The following PCDH15 variants were observed in gnomAD, a reference collection of about 807,000 sequenced individuals.
PCDH15 encodes the protein protocadherin-15.
A neutral mutation model predicts 178.5 loss-of-function variants in PCDH15; 129 were observed. The observed-to-expected ratio is 0.72, with a 90% CI of 0.63 to 0.84. The LOEUF (loss-of-function observed/expected upper bound fraction) is 0.84, where lower values mean the gene tolerates loss of function less well. PCDH15 is among the 40% of genes least tolerant of loss of function. The probability of loss-of-function intolerance (pLI) is 0.00; values close to 1 mark genes in which losing one functional copy is unlikely to be tolerated. For synonymous variants in PCDH15, 800 were observed against 732.0 expected (o/e 1.09, Z -1.50); for missense variants, 2,230 against 2,099.9 (o/e 1.06, Z -1.21).
At position 55,333,133 on chromosome 10, in the gene PCDH15, TCAAA is replaced by T. The variant is rs753748729; in HGVS notation, c.-155-166486_-155-166483del. On this transcript the variant is annotated intron_variant, in intron 2 of 5. Transcript: ENST00000613346. ...GTAATTTGGAGTGTATAAATTATGC[TCAAA>T]CAAACTTGAACCCAATTATAACTTT... 1.9e-4 allele frequency among the ~76,000 whole-genome samples: 29 copies of T among 152,294 alleles called. 1 individual carries two copies. The highest frequency in any genetic ancestry group is 3.4e-4 in the African/African-American group (14 of 41,556).
intron 3 of PCDH15, among the ~76,000 whole-genome samples, chr10:54,479,978 A>G (rs905815567): frequency 6.6e-6 from 1 of 152,058 alleles, no homozygotes; most frequent in Non-Finnish European, 1.5e-5. Flanking sequence ...GATGAGTGTT[A>G]AATTATTTGC....
At chr10:55,497,066 T>A (rs1003875162) in intron 2 of PCDH15, among the ~76,000 whole-genome samples, 1 of 151,838 alleles carries the variant, frequency 6.6e-6, no homozygotes, top group Non-Finnish European at 1.5e-5. Flanking sequence ...AACAAATGAA[T>A]TTAAATAAAA....
intron 1 of PCDH15, among the ~76,000 whole-genome samples, chr10:54,750,704 T>C (rs1157581059): frequency 2.6e-5 from 4 of 152,116 alleles, no homozygotes; most frequent in Admixed American, 1.3e-4. Context: ...AAAATGCAAA[T>C]ACCAAAGAAA....
chr10:54,486,427 T>C (rs1185925593), intron 3 of PCDH15: 1 of 152,062 alleles, frequency 6.6e-6, no homozygotes, highest in Admixed American at 6.6e-5. Context: ...TTCAGATAAT[T>C]TGCCTTTTTG....
intron 3 of PCDH15, among the ~76,000 whole-genome samples, chr10:54,487,028 C>T (rs2079159489): frequency 6.6e-6 from 1 of 151,956 alleles, no homozygotes; most frequent in African/African-American, 2.4e-5. Context: ...ACGCAAACTG[C>T]CATTCATACT....
At chr10:54,198,233 C>T (rs1307449826) in intron 10 of PCDH15, among the ~76,000 whole-genome samples, 1 of 152,054 alleles carries the variant, frequency 6.6e-6, no homozygotes, top group Admixed American at 6.6e-5. Flanking sequence ...TTAGGAGTTA[C>T]CCCTGTGACA....
At chr10:54,583,292 C>A (rs2091199980) in intron 2 of PCDH15, among the ~76,000 whole-genome samples, 1 of 151,904 alleles carries the variant, frequency 6.6e-6, no homozygotes, top group Non-Finnish European at 1.5e-5. Flanking sequence ...GACTATTATA[C>A]CAAACAATTG....
chr10:54,148,063 CT>C (rs1286645809), intron 14 of PCDH15, among the ~76,000 whole-genome samples: 2 of 152,042 alleles, frequency 1.3e-5, no homozygotes, highest in African/African-American at 2.4e-5. Context: ...AGCAAGGTAT[CT>C]GGTCCTAGTG....
intron 1 of PCDH15, among the ~76,000 whole-genome samples, chr10:55,278,216 C>CT (rs1564961078): frequency 6.6e-6 from 1 of 151,592 alleles, no homozygotes; most frequent in South Asian, 2.1e-4. Context: ...CATTTTTTGT[C>CT]TTTTTTTGAA....
chr10:55,248,769 C>A (rs942885110), intron 1 of PCDH15, among the ~76,000 whole-genome samples: 3 of 152,070 alleles, frequency 2.0e-5, no homozygotes, highest in Non-Finnish European at 2.9e-5. Context: ...GTTGCCCAGG[C>A]TGGTCTCCAA....
At chr10:54,108,399 A>G (rs1041050199) in intron 15 of PCDH15, among the ~76,000 whole-genome samples, 2 of 152,166 alleles carry the variant, frequency 1.3e-5, no homozygotes, top group African/African-American at 4.8e-5. Context: ...AAGCAAAACC[A>G]GAATGAATTC....
chr10:54,342,025 G>A (rs1942326699), intron 6 of PCDH15, among the ~76,000 whole-genome samples: 1 of 152,186 alleles, frequency 6.6e-6, no homozygotes, highest in Non-Finnish European at 1.5e-5. Context: ...ATGTTTAAAA[G>A]GGAAGCAGAG....
chr10:54,206,594 C>A (rs957411636), intron 10 of PCDH15, among the ~76,000 whole-genome samples: 1 of 152,000 alleles, frequency 6.6e-6, no homozygotes, highest in Non-Finnish European at 1.5e-5. Flanking sequence ...ATGAATTAGC[C>A]AACCAGAATA....
intron 2 of PCDH15, among the ~76,000 whole-genome samples, chr10:55,004,561 A>G (rs10763165): frequency 0.77 from 117,283 of 152,000 alleles, 45,425 homozygotes; most frequent in East Asian, 0.87. Flanking sequence ...CTTACCCACC[A>G]TCTGTTTACT....
At chr10:53,844,168 T>C (rs2077828982) in intron 28 of PCDH15, among the ~76,000 whole-genome samples, 1 of 152,018 alleles carries the variant, frequency 6.6e-6, no homozygotes, top group Non-Finnish European at 1.5e-5. Flanking sequence ...ACTTTGAGGA[T>C]TGTAAGAGCA....
chr10:54,191,572 T>C (rs7082778), intron 11 of PCDH15, among the ~76,000 whole-genome samples: 66,328 of 151,814 alleles, frequency 0.44, 17,327 homozygotes, highest in East Asian at 0.94. Context: ...CAGAAAATTG[T>C]GTGAGCTTAA....
intron 2 of PCDH15, among the ~76,000 whole-genome samples, chr10:55,089,424 A>T (rs1842259828): frequency 6.6e-6 from 1 of 152,112 alleles, no homozygotes; most frequent in Non-Finnish European, 1.5e-5. Flanking sequence ...ATATCTGTCT[A>T]ATGTAATGTT....
intron 25 of PCDH15, 138 bp from the exon 26 acceptor site, chr10:53,903,508 C>A: frequency 1.1e-6 from 1 of 912,860 alleles, no homozygotes; most frequent in East Asian, 2.6e-5. Flanking sequence ...CCATGCCTAG[C>A]ACCCCCAAAT....
intron 2 of PCDH15, among the ~76,000 whole-genome samples, chr10:54,999,311 T>C (rs1262754647): frequency 6.6e-6 from 1 of 152,192 alleles, no homozygotes; most frequent in Non-Finnish European, 1.5e-5. Flanking sequence ...AGAAAATTTT[T>C]TTTTTAAGTT....
Sources: allele counts gnomAD v4.1 joint callset (sites outside exome capture counted in the v4.1 genomes callset), GRCh38; gene constraint gnomAD v4.1.1; transcripts MANE v1.5; gene names NCBI Gene and HGNC (gene_info 2026-07-23, HGNC 2026-07-21).